MED1: variants seen among roughly 807,000 people sequenced by gnomAD.
MED1 encodes the protein mediator of RNA polymerase II transcription subunit 1.
MED1 carries 17 observed loss-of-function variants against 121.3 expected under a neutral mutation model. The ratio of observed to expected loss-of-function variants is 0.14; its 90% CI spans 0.10 to 0.21. MED1 has a LOEUF of 0.21. Ranked by LOEUF, MED1 falls within the 10% of genes least tolerant of loss-of-function variation. The pLI is 1.00. For missense variants in MED1, 1,558 were observed against 1,919.4 expected, an observed-to-expected ratio of 0.81 and a Z score of 3.52; for synonymous variants, 661 against 694.4, an observed-to-expected ratio of 0.95 and a Z score of 0.76.
In MED1 at chr17:39,405,804, A is replaced by T. The variant is rs1354328685; in HGVS notation, c.*1671T>A. On this transcript the variant is annotated 3_prime_UTR_variant, in exon 17 of 17. Transcript: ENST00000300651. ...GAAAGAAAGCCAAAGCTGATTTTCC[A>T]ACTCTATGCTGACTCCAACCTGCAG... The T allele has an allele frequency of 6.1e-6, 6 of 986,226 alleles. No individual in the cohort carries two copies. The African/African-American group carries it at 1.0e-4, about 17-fold the overall frequency. 61.1% of individuals were successfully genotyped at this position (986,226 alleles called of 1,614,324 possible). A position where few individuals can be genotyped will look rare whatever the true frequency, so the allele number is the denominator to read the frequency against.
chr17:39,446,647 G>A (rs534124826), intron 2 of MED1, among the ~76,000 whole-genome samples: 95 of 151,542 alleles, frequency 6.3e-4, no homozygotes, highest in African/African-American at 2.2e-3. Context: ...GGTGGCGTGT[G>A]CCTGTAGTCC....
chr17:39,427,913 C>T, intron 9 of MED1, 123 bp from the exon 10 acceptor site: 1 of 616,830 alleles, frequency 1.6e-6, no homozygotes. Context: ...AAGAGTCATG[C>T]TCCAAAACAG....
intron 3 of MED1, among the ~76,000 whole-genome samples, chr17:39,442,813 G>T (rs997031599): frequency 6.9e-6 from 1 of 144,880 alleles, no homozygotes; most frequent in African/African-American, 2.5e-5. Flanking sequence ...GCTGAGGCAG[G>T]AGAATCGCTT....
chr17:39,422,160 T>C (rs975680250), intron 13 of MED1, among the ~76,000 whole-genome samples: 1 of 151,496 alleles, frequency 6.6e-6, no homozygotes, highest in African/African-American at 2.4e-5. Context: ...CACCCAAAAT[T>C]TCTTTTTCTT....
chr17:39,424,806 A>G (rs1035752439), intron 10 of MED1, 68 bp from the exon 11 acceptor site: 1 of 948,202 alleles, frequency 1.1e-6, no homozygotes, highest in African/African-American at 1.7e-5. Context: ...AGTATGTTTT[A>G]AGAGGTTAAT....
Position 39,406,075 on chromosome 17 carries a change from A to T in MED1, c.*1400T>A. 1 of 985,456 alleles carries T rather than the reference A, an allele frequency of 1.0e-6. No individual in the cohort carries two copies. The allele number at this position is 985,456 out of a possible 1,614,324, so 61.0% of individuals were successfully genotyped here. A position where few individuals can be genotyped will look rare whatever the true frequency, so the allele number is the denominator to read the frequency against. Reference sequence around the variant, plus strand: ...TCCAAATACTGAGAACTTCTGTTGCACTCGAAACAGTCTCCTGGATTTCTA... The same window carrying T: ...TCCAAATACTGAGAACTTCTGTTGCTCTCGAAACAGTCTCCTGGATTTCTA... On this transcript the variant is annotated 3_prime_UTR_variant, in exon 17 of 17. Transcript: ENST00000300651.
rs775864083 is a variant in MED1 at position 39,408,361 on chromosome 17, T to C, written c.3860A>G (p.His1287Arg). 6.2e-7 allele frequency: 1 copy of C among 1,614,170 alleles called. No individual in the cohort carries two copies. The change falls in exon 17 of 17, where the codon CAT (histidine) becomes CGT (arginine). Residue 1287 changes from histidine to arginine, a missense_variant. By Grantham distance (29) the His-to-Arg change is conservative. Transcript: ENST00000300651. The surrounding 1 kb of genome is among the most constrained non-coding windows in gnomAD (Gnocchi z 4.7). Reference sequence around the variant, plus strand: ...GGGAGATTTTCCTTTAGAACTCCCATGCTGGTTCTGAGAGGATGACATGGA... The same window carrying C: ...GGGAGATTTTCCTTTAGAACTCCCACGCTGGTTCTGAGAGGATGACATGGA... ...GSSMSSSQNQ[H>R]GSSKGKSPSR...
chr17:39,414,429 G>A (rs1316342418), intron 16 of MED1, among the ~76,000 whole-genome samples: 4 of 148,096 alleles, frequency 2.7e-5, no homozygotes, highest in Admixed American at 6.8e-5. Context: ...TCCACCTCCC[G>A]GGATCATGCC....
rs745779960 is a variant in MED1 at position 39,439,185 on chromosome 17, C to G, written c.408G>C (p.Pro136=). 6.3e-7 allele frequency: 1 copy of G among 1,587,440 alleles called. No homozygotes were observed. Among genetic ancestry groups the G allele is most frequent in the Non-Finnish European group, 8.5e-7 (1 of 1,174,100 alleles). ...AHHGENPVSC[P]ELVQQLREKN... ...CTCACCTTAGCTGCTGTACAAGCTC[C>G]GGACAGCTCTGAAATCAAAGAAAAT... Residue 136 remains proline (P), a synonymous_variant, in exon 6 of 17, where the codon CCG becomes CCC. Transcript: ENST00000300651.
chr17:39,446,832 T>C (rs2144776344), intron 2 of MED1, among the ~76,000 whole-genome samples: 1 of 149,802 alleles, frequency 6.7e-6, no homozygotes, highest in East Asian at 2.0e-4. Flanking sequence ...TTCCAGATAC[T>C]AGGAGGCTGA....
chr17:39,421,754 C>T (rs2048467107), intron 13 of MED1, among the ~76,000 whole-genome samples: 1 of 152,048 alleles, frequency 6.6e-6, no homozygotes, highest in Non-Finnish European at 1.5e-5. Flanking sequence ...AGATTCTAAG[C>T]TCATGGCACT....
At chr17:39,445,678 T>C (rs2048719349) in intron 2 of MED1, 1 of 152,168 alleles carries the variant, frequency 6.6e-6, no homozygotes, top group Non-Finnish European at 1.5e-5. Flanking sequence ...GTCTCTCTAA[T>C]GACAGTATCA....
intron 1 of MED1, among the ~76,000 whole-genome samples, chr17:39,450,816 G>A (rs1313490079): frequency 6.6e-6 from 1 of 152,032 alleles, no homozygotes; most frequent in Non-Finnish European, 1.5e-5. Context: ...TGCCCTAGTC[G>A]AGCATGAAAT....
At chr17:39,433,096 G>A (rs984317322) in intron 7 of MED1, among the ~76,000 whole-genome samples, 36 of 152,056 alleles carry the variant, frequency 2.4e-4, no homozygotes, top group African/African-American at 7.5e-4. Context: ...CCAGCTACTC[G>A]GGAGGCTGAG....
chr17:39,407,035 G>A lies in MED1; in HGVS notation c.*440C>T. The A allele has an allele frequency of 1.0e-6, 1 of 987,724 alleles. No individual in the cohort carries two copies. The highest frequency in any genetic ancestry group is 1.2e-6 in the Non-Finnish European group (1 of 831,276). The allele number at this position is 987,724 out of a possible 1,614,324, so 61.2% of individuals were successfully genotyped here. On this transcript the variant is annotated 3_prime_UTR_variant, in exon 17 of 17. Coordinates refer to ENST00000300651, the MANE Select transcript of MED1 (RefSeq NM_004774.4). ...TCAAACAAAGTTGAACAACCTTCAT[G>A]CAAATGCATCAAGGAATGTATTGCT...
chr17:39,433,654 A>C (rs2048591104), intron 7 of MED1, among the ~76,000 whole-genome samples: 1 of 151,888 alleles, frequency 6.6e-6, no homozygotes, highest in Admixed American at 6.6e-5. Flanking sequence ...ACTAGTTTGA[A>C]GTGATCGTCC....
rs1199618647 is a variant in MED1, at chr17:39,407,328, A to G, written c.*147T>C. ...TAATAGGGTCTGGATATGCCTTTCT[A>G]ATTCACCCAGCTTGATGTCAAAGCC... On this transcript the variant is annotated 3_prime_UTR_variant, in exon 17 of 17. Transcript: ENST00000300651. 7.1e-7 allele frequency: 1 copy of G among 1,415,088 alleles called. No homozygotes were observed. Among genetic ancestry groups the G allele is most frequent in the African/African-American group, 1.4e-5 (1 of 69,416 alleles). The allele number at this position is 1,415,088 out of a possible 1,614,324, so 87.7% of individuals were successfully genotyped here.
chr17:39,438,119 T>C (rs552595501), intron 6 of MED1, among the ~76,000 whole-genome samples: 1 of 150,474 alleles, frequency 6.6e-6, no homozygotes, highest in East Asian at 2.0e-4. Context: ...CTTTGGGAGA[T>C]GTGAGGTCAG....
chr17:39,439,721 T>A (rs1361488573), intron 5 of MED1, among the ~76,000 whole-genome samples: 2 of 152,072 alleles, frequency 1.3e-5, no homozygotes, highest in Non-Finnish European at 2.9e-5. Context: ...GTGGATCACT[T>A]GAGGTCAGGA....
Sources: allele counts gnomAD v4.1 joint callset (sites outside exome capture counted in the v4.1 genomes callset), GRCh38; gene constraint gnomAD v4.1.1; non-coding constraint Gnocchi (gnomAD v3.1); transcripts MANE v1.5; gene names NCBI Gene and HGNC (gene_info 2026-07-23, HGNC 2026-07-21).